The following CNTLN variants were observed in gnomAD, a reference collection of about 807,000 sequenced individuals.
CNTLN encodes the protein centlein, centrosomal protein.
In CNTLN, 212 loss-of-function variants were observed where a neutral mutation model predicts 180.0. The observed-to-expected ratio is 1.18, with a 90% confidence interval of 1.05 to 1.32. CNTLN has a LOEUF of 1.32. Among genes scored for constraint, CNTLN ranks in the 40% most tolerant of loss-of-function variants. The pLI is 0.00. For missense variants in CNTLN, 2,095 were observed against 1,610.9 expected (o/e 1.30, Z -5.14); for synonymous variants, 722 against 563.1 (o/e 1.28, Z -3.99).
intron 2 of CNTLN, among the ~76,000 whole-genome samples, chr9:17,180,394 A>C (rs1821050766): frequency 6.7e-6 from 1 of 148,566 alleles, no homozygotes; most frequent in Admixed American, 6.7e-5. Flanking sequence ...ATAACTTAGC[A>C]CAGTGTACTG....
At chr9:17,181,298 C>G (rs1161995641) in intron 2 of CNTLN, among the ~76,000 whole-genome samples, 1 of 152,208 alleles carries the variant, frequency 6.6e-6, no homozygotes, top group Non-Finnish European at 1.5e-5. Flanking sequence ...CCTGTCCTCT[C>G]CAGTTGGCTG....
In CNTLN at chr9:17,388,693, A is replaced by G. The variant is rs76541431; in HGVS notation, c.2079+440A>G. Among the ~76,000 whole-genome samples the G allele has an allele frequency of 6.4e-3, 980 of 152,060 alleles. 13 individuals carry two copies. The highest frequency in any genetic ancestry group is 0.022 in the African/African-American group (928 of 41,570). The stretch of plus-strand genomic sequence containing the variant: ...TATGTTTATAGTTTTAATGTTAAAC[A>G]TGAAAATATACGTGACTCTTCTCAT... On this transcript the variant is annotated intron_variant, in intron 14 of 25. Coordinates refer to ENST00000380647, the MANE Select transcript of CNTLN (RefSeq NM_017738.4).
At chr9:17,407,235 G>C (rs555338367) in intron 15 of CNTLN, among the ~76,000 whole-genome samples, 1 of 152,306 alleles carries the variant, frequency 6.6e-6, no homozygotes, top group African/African-American at 2.4e-5. Flanking sequence ...TAATTCTATA[G>C]TTGGTGTTTT....
At chr9:17,273,668 A>G (rs1828097712) in intron 5 of CNTLN, 65 bp from the exon 6 acceptor site, 6 of 787,750 alleles carry the variant, frequency 7.6e-6, no homozygotes, top group Non-Finnish European at 1.1e-5. Flanking sequence ...ATTAAATATA[A>G]CAGATGTTTT....
intron 8 of CNTLN, among the ~76,000 whole-genome samples, chr9:17,322,628 A>C (rs926156556): frequency 6.6e-6 from 1 of 151,782 alleles, no homozygotes; most frequent in Non-Finnish European, 1.5e-5. Flanking sequence ...TTTTTTTCCT[A>C]CTATTATTCA....
intron 23 of CNTLN, among the ~76,000 whole-genome samples, chr9:17,476,224 G>T (rs1027129211): frequency 2.6e-5 from 4 of 152,116 alleles, no homozygotes; most frequent in African/African-American, 9.7e-5. Context: ...GAAATTGATA[G>T]ATAAATATTA....
chr9:17,363,529 A>T (rs555815047), intron 12 of CNTLN, among the ~76,000 whole-genome samples: 2 of 150,444 alleles, frequency 1.3e-5, no homozygotes, highest in East Asian at 3.9e-4. Flanking sequence ...TCTGACCTCT[A>T]ATTTTTATTT....
At chr9:17,519,419 T>C in the CNTLN span, among the ~76,000 whole-genome samples, 9 of 152,334 alleles carry the variant, frequency 5.9e-5, no homozygotes, top group Admixed American at 3.9e-4. Flanking sequence ...TGTAATTAAA[T>C]AGAACATTTC....
At chr9:17,445,356 G>A (rs1184478799) in intron 18 of CNTLN, among the ~76,000 whole-genome samples, 1 of 151,874 alleles carries the variant, frequency 6.6e-6, no homozygotes, top group African/African-American at 2.4e-5. Flanking sequence ...GTTAACTATT[G>A]ACCCTGTGGG....
intron 8 of CNTLN, among the ~76,000 whole-genome samples, chr9:17,322,136 A>G (rs765141468): frequency 9.2e-5 from 14 of 152,100 alleles, no homozygotes; most frequent in Non-Finnish European, 1.5e-4. Context: ...ATTCAGTTGT[A>G]TATGTAGATA....
chr9:17,175,333 G>A (rs1052640410), intron 2 of CNTLN, among the ~76,000 whole-genome samples: 1 of 152,030 alleles, frequency 6.6e-6, no homozygotes, highest in Non-Finnish European at 1.5e-5. Context: ...GAGATTTAAG[G>A]AGGTCAAGTT....
At chr9:17,479,720 C>T (rs1413839119) in intron 23 of CNTLN, among the ~76,000 whole-genome samples, 1 of 151,882 alleles carries the variant, frequency 6.6e-6, no homozygotes, top group African/African-American at 2.4e-5. Flanking sequence ...AAGAAAAATT[C>T]ATGAAGGAAA....
chr9:17,247,542 G>A (rs147051686), intron 5 of CNTLN, among the ~76,000 whole-genome samples: 344 of 152,306 alleles, frequency 2.3e-3, no homozygotes, highest in African/African-American at 7.7e-3. Flanking sequence ...GAGACTGTCT[G>A]TCCTTCCTTC....
chr9:17,422,160 A>G (rs1828766874), intron 18 of CNTLN, among the ~76,000 whole-genome samples: 1 of 152,216 alleles, frequency 6.6e-6, no homozygotes, highest in South Asian at 2.1e-4. Flanking sequence ...TTTGGTGTGT[A>G]TAATACACTA....
intron 2 of CNTLN, among the ~76,000 whole-genome samples, chr9:17,157,049 T>G (rs1819345155): frequency 6.6e-6 from 1 of 152,198 alleles, no homozygotes; most frequent in Non-Finnish European, 1.5e-5. Context: ...TAACACTGTC[T>G]ACTGTCTCCT....
chr9:17,213,663 G>A (rs533675570), intron 2 of CNTLN, among the ~76,000 whole-genome samples: 10 of 152,188 alleles, frequency 6.6e-5, no homozygotes, highest in Middle Eastern at 3.4e-3. Flanking sequence ...GGGTGTTATC[G>A]TCTCCCATTA....
intron 2 of CNTLN, among the ~76,000 whole-genome samples, chr9:17,179,308 C>T (rs956276843): frequency 1.3e-5 from 2 of 149,470 alleles, no homozygotes; most frequent in African/African-American, 2.5e-5. Flanking sequence ...TGTTTTGTAA[C>T]GTACACCTTT....
At chr9:17,160,590 G>A (rs1330321697) in intron 2 of CNTLN, among the ~76,000 whole-genome samples, 1 of 151,948 alleles carries the variant, frequency 6.6e-6, no homozygotes, top group African/African-American at 2.4e-5. Context: ...CCTCTATCTT[G>A]GTTCTCAGTA....
intron 5 of CNTLN, among the ~76,000 whole-genome samples, chr9:17,264,346 A>T (rs1311929671): frequency 6.6e-6 from 1 of 151,708 alleles, no homozygotes; most frequent in African/African-American, 2.4e-5. Flanking sequence ...CAAAGATCAG[A>T]TAGTTGTAGA....
Sources: allele counts gnomAD v4.1 joint callset (sites outside exome capture counted in the v4.1 genomes callset), GRCh38; gene constraint gnomAD v4.1.1; transcripts MANE v1.5; gene names NCBI Gene and HGNC (gene_info 2026-07-23, HGNC 2026-07-21).